NRXN1: variants seen among roughly 807,000 people sequenced by gnomAD.
NRXN1 encodes the protein neurexin-1.
Under a neutral mutation model 150.9 loss-of-function variants are expected in NRXN1, and 39 were observed. That is an observed-to-expected ratio of 0.26 (90% CI 0.20 to 0.34). NRXN1 has a LOEUF of 0.34. NRXN1 is among the 10% of genes least tolerant of loss of function. The pLI is 1.00. For synonymous variants in NRXN1, 924 were observed against 757.0 expected (o/e 1.22, Z -3.62); for missense variants, 1,815 against 1,949.9 (o/e 0.93, Z 1.30).
intron 17 of NRXN1, among the ~76,000 whole-genome samples, chr2:50,410,333 ATTGT>A (rs950376168): frequency 1.3e-5 from 2 of 152,122 alleles, no homozygotes; most frequent in Non-Finnish European, 2.9e-5. Context: ...CTGAATTCCT[ATTGT>A]TTTTGTTTTC....
chr2:50,237,441 T>A (rs1454728080), intron 17 of NRXN1, among the ~76,000 whole-genome samples: 1 of 151,946 alleles, frequency 6.6e-6, no homozygotes, highest in Non-Finnish European at 1.5e-5. Context: ...GAATGTAACT[T>A]TTATGGAAAA....
At chr2:50,914,077 G>A (rs554583505) in intron 5 of NRXN1, among the ~76,000 whole-genome samples, 3 of 151,846 alleles carry the variant, frequency 2.0e-5, no homozygotes, top group African/African-American at 7.2e-5. Flanking sequence ...CTCAGGCACT[G>A]TAGTACTGTT....
At chr2:50,463,762 C>T (rs1453898055) in intron 17 of NRXN1, among the ~76,000 whole-genome samples, 1 of 151,588 alleles carries the variant, frequency 6.6e-6, no homozygotes, top group Non-Finnish European at 1.5e-5. Flanking sequence ...AACCAAATGG[C>T]AACTGTATGT....
rs558853972 is a variant in NRXN1, at chr2:50,560,082, T to C, written c.1321-7057A>G. 9.9e-4 allele frequency among the ~76,000 whole-genome samples: 151 copies of C among 152,304 alleles called. 2 individuals carry two copies. The South Asian group carries it at 0.027, about 27-fold the overall frequency. On this transcript the variant is annotated intron_variant, in intron 8 of 22. Transcript: ENST00000401669. Reference sequence around the variant, plus strand: ...GAAAAGCAGAATAAAGGCAAGGTGGTCACTTTTTAAAATCTTTGCACCCAT... The same window carrying C: ...GAAAAGCAGAATAAAGGCAAGGTGGCCACTTTTTAAAATCTTTGCACCCAT...
At chr2:50,595,750 T>C (rs918303610) in intron 8 of NRXN1, among the ~76,000 whole-genome samples, 1 of 152,176 alleles carries the variant, frequency 6.6e-6, no homozygotes, top group Non-Finnish European at 1.5e-5. Context: ...TCTCAGGTGT[T>C]TTTTGACTAA....
chr2:50,504,011 C>A (rs771858648), intron 13 of NRXN1, among the ~76,000 whole-genome samples: 31 of 151,870 alleles, frequency 2.0e-4, no homozygotes, highest in Non-Finnish European at 2.6e-4. Context: ...CAGATAAGCA[C>A]AAACTGGTGA....
chr2:50,200,146 A>G (rs72887744), intron 18 of NRXN1, among the ~76,000 whole-genome samples: 2,978 of 152,296 alleles, frequency 0.02, 79 homozygotes, highest in African/African-American at 0.069. Context: ...TCAGCAATGG[A>G]AATATACACC....
chr2:50,818,753 T>C (rs963861005), intron 5 of NRXN1, among the ~76,000 whole-genome samples: 6 of 152,084 alleles, frequency 3.9e-5, no homozygotes, highest in Non-Finnish European at 5.9e-5. Flanking sequence ...AGAGAAAATA[T>C]ATGCAAACCA....
At chr2:50,685,394 T>A (rs1691075102) in intron 5 of NRXN1, among the ~76,000 whole-genome samples, 1 of 152,160 alleles carries the variant, frequency 6.6e-6, no homozygotes, top group Admixed American at 6.6e-5. Flanking sequence ...TGCCATATCA[T>A]CTGGATATCC....
At chr2:50,134,793 ATTTT>A (rs1385582729) in intron 18 of NRXN1, among the ~76,000 whole-genome samples, 1 of 152,160 alleles carries the variant, frequency 6.6e-6, no homozygotes, top group African/African-American at 2.4e-5. Flanking sequence ...CAGGTTGTAC[ATTTT>A]GTGATACCAT....
chr2:50,516,481 G>T (rs2092633973), intron 12 of NRXN1, among the ~76,000 whole-genome samples: 1 of 152,130 alleles, frequency 6.6e-6, no homozygotes, highest in Admixed American at 6.5e-5. Context: ...AAGCATAGTT[G>T]AGTCACCTTC....
At chr2:50,821,448 C>G (rs1325408132) in intron 5 of NRXN1, among the ~76,000 whole-genome samples, 1 of 152,096 alleles carries the variant, frequency 6.6e-6, no homozygotes, top group Non-Finnish European at 1.5e-5. Flanking sequence ...CTACATAACT[C>G]CTATGTGCTT....
intron 18 of NRXN1, among the ~76,000 whole-genome samples, chr2:50,177,533 G>C (rs867863917): frequency 4.6e-5 from 7 of 151,176 alleles, no homozygotes; most frequent in Non-Finnish European, 7.4e-5. Context: ...CTTTTACTTT[G>C]GGATGTAAAC....
chr2:50,063,096 A>C (rs76903326), intron 19 of NRXN1, among the ~76,000 whole-genome samples: 6,967 of 152,288 alleles, frequency 0.046, 201 homozygotes, highest in Middle Eastern at 0.082. Context: ...CCCAGAAGGC[A>C]AAGTAATAGT....
In NRXN1 at chr2:50,506,601, A is replaced by G; in HGVS notation, c.2391T>C (p.Thr797=). 1.2e-6 allele frequency: 2 copies of G among 1,613,424 alleles called. No individual in the cohort carries two copies. The highest frequency in any genetic ancestry group is 2.7e-5 in the African/African-American group (2 of 75,020). The change falls in exon 13 of 23, where the codon ACT becomes ACC. Residue 797 remains threonine (T), a synonymous_variant. Transcript: ENST00000401669. ...CATTGAGGTTATAGCCAGCAAAAAGAGTCTCGGGACCTTTGCCTGTAGAAT... is the reference window on the plus strand; with the variant it reads ...CATTGAGGTTATAGCCAGCAAAAAGGGTCTCGGGACCTTTGCCTGTAGAAT... The part of the protein sequence containing the change: ...INCNSSKGPE[T]LFAGYNLNDN...
intron 5 of NRXN1, among the ~76,000 whole-genome samples, chr2:50,643,305 TA>T (rs1028018216): frequency 2.6e-5 from 4 of 151,726 alleles, no homozygotes; most frequent in Non-Finnish European, 5.9e-5. Context: ...CAATAAATTG[TA>T]AAAAAAAGTA....
chr2:50,057,409 A>C (rs1202427873), intron 19 of NRXN1, among the ~76,000 whole-genome samples: 2 of 152,184 alleles, frequency 1.3e-5, no homozygotes, highest in African/African-American at 2.4e-5. Context: ...CTTGGTAGGA[A>C]CATTGCTTCC....
At chr2:50,760,749 G>A (rs996608080) in intron 5 of NRXN1, among the ~76,000 whole-genome samples, 2 of 151,916 alleles carry the variant, frequency 1.3e-5, no homozygotes, top group Admixed American at 6.6e-5. Flanking sequence ...GTGTGTATGT[G>A]GGGTGGGTGT....
intron 17 of NRXN1, among the ~76,000 whole-genome samples, chr2:50,335,941 A>C (rs2077164586): frequency 6.6e-6 from 1 of 150,846 alleles, no homozygotes; most frequent in Non-Finnish European, 1.5e-5. Context: ...AGAGGGGTTC[A>C]TCTGTCACTT....
Sources: allele counts gnomAD v4.1 joint callset (sites outside exome capture counted in the v4.1 genomes callset), GRCh38; gene constraint gnomAD v4.1.1; transcripts MANE v1.5; gene names NCBI Gene and HGNC (gene_info 2026-07-23, HGNC 2026-07-21).